Variants in SLC9A8 observed in about 807,000 individuals in gnomAD.
The protein encoded by SLC9A8 is solute carrier family 9 member A8.
A neutral mutation model predicts 66.6 loss-of-function variants in SLC9A8; 48 were observed. The ratio of observed to expected loss-of-function variants is 0.72; its 90% CI spans 0.57 to 0.92. The LOEUF (loss-of-function observed/expected upper bound fraction) is 0.92, where lower values mean the gene tolerates loss of function less well. SLC9A8 is among the 40% of genes least tolerant of loss of function. The probability of loss-of-function intolerance (pLI) is 0.00; values close to 1 mark genes in which losing one functional copy is unlikely to be tolerated. For missense variants in SLC9A8, 599 were observed against 747.3 expected (o/e 0.80, Z 2.31); for synonymous variants, 274 against 282.6 (o/e 0.97, Z 0.31).
chr20:49,865,577 C>T (rs1375901082), intron 10 of SLC9A8, among the ~76,000 whole-genome samples: 1 of 152,100 alleles, frequency 6.6e-6, no homozygotes, highest in Non-Finnish European at 1.5e-5. Context: ...GCAGCAGAGA[C>T]GACTCTGATG....
chr20:49,822,872 A>G (rs1276561791), intron 2 of SLC9A8, among the ~76,000 whole-genome samples, 189 bp from the exon 3 acceptor site: 1 of 152,236 alleles, frequency 6.6e-6, no homozygotes, highest in African/African-American at 2.4e-5. Context: ...AGAAAATATA[A>G]TAAACATTGT....
intron 10 of SLC9A8, among the ~76,000 whole-genome samples, chr20:49,870,329 G>A (rs1207065684): frequency 6.6e-6 from 1 of 152,230 alleles, no homozygotes; most frequent in African/African-American, 2.4e-5. Context: ...ACAGAGAGTG[G>A]CATGTGGTAG....
At chr20:49,862,656 C>A (rs375251144) in intron 8 of SLC9A8, among the ~76,000 whole-genome samples, 1 of 152,164 alleles carries the variant, frequency 6.6e-6, no homozygotes, top group Non-Finnish European at 1.5e-5. Context: ...ACCCCTCCCG[C>A]GGATTGTCAT....
At chr20:49,879,115 G>A (rs924746889) in intron 12 of SLC9A8, among the ~76,000 whole-genome samples, 17 of 152,316 alleles carry the variant, frequency 1.1e-4, no homozygotes, top group African/African-American at 3.4e-4. Flanking sequence ...ATGGAAGATT[G>A]GATTTCAGTG....
intron 13 of SLC9A8, among the ~76,000 whole-genome samples, chr20:49,883,172 T>C (rs1037744441): frequency 3.3e-5 from 5 of 152,118 alleles, no homozygotes; most frequent in Non-Finnish European, 7.4e-5. Flanking sequence ...AACAGAGGAA[T>C]GTGCTGTTTT....
chr20:49,830,946 T>C, intron 3 of SLC9A8: 1 of 817,180 alleles, frequency 1.2e-6, no homozygotes, highest in Non-Finnish European at 2.2e-6. Context: ...CAGAAGGATC[T>C]CTGCTTAGCC....
intron 8 of SLC9A8, among the ~76,000 whole-genome samples, chr20:49,857,654 G>A (rs1298232913): frequency 6.6e-6 from 1 of 152,206 alleles, no homozygotes; most frequent in Non-Finnish European, 1.5e-5. Flanking sequence ...GGAGACAGAG[G>A]TTGAAGTGAG....
chr20:49,880,535 A>T (rs1396241781), intron 12 of SLC9A8, among the ~76,000 whole-genome samples: 1 of 152,200 alleles, frequency 6.6e-6, no homozygotes, highest in Non-Finnish European at 1.5e-5. Flanking sequence ...TGATCAATGC[A>T]GCCCTGTCCC....
At chr20:49,835,540 G>A (rs2087496017) in intron 3 of SLC9A8, among the ~76,000 whole-genome samples, 1 of 151,822 alleles carries the variant, frequency 6.6e-6, no homozygotes, top group South Asian at 2.1e-4. Context: ...CCCATCCCCT[G>A]GAAACCACCA....
intron 8 of SLC9A8, among the ~76,000 whole-genome samples, chr20:49,859,385 A>G (rs1800163685): frequency 6.6e-6 from 1 of 152,188 alleles, no homozygotes; most frequent in Non-Finnish European, 1.5e-5. Flanking sequence ...AAGGCTTCTC[A>G]GAAGGAACGT....
chr20:49,837,033 C>T (rs915185474), intron 3 of SLC9A8, among the ~76,000 whole-genome samples: 3 of 152,152 alleles, frequency 2.0e-5, no homozygotes, highest in Admixed American at 2.0e-4. Flanking sequence ...CAAGAAAATT[C>T]CTTGTGGACA....
intron 3 of SLC9A8, chr20:49,830,404 C>CT: frequency 2.4e-6 from 2 of 833,610 alleles, no homozygotes; most frequent in Non-Finnish European, 4.2e-6. Flanking sequence ...TGTGACATCA[C>CT]TTTCGCCCGT....
At chr20:49,848,889 T>C (rs1056588269) in intron 5 of SLC9A8, among the ~76,000 whole-genome samples, 2 of 152,164 alleles carry the variant, frequency 1.3e-5, no homozygotes, top group Non-Finnish European at 2.9e-5. Context: ...GGGCATTATG[T>C]CAGGGACCGT....
At chr20:49,839,111 T>C (rs781516979) in intron 3 of SLC9A8, among the ~76,000 whole-genome samples, 24 of 152,338 alleles carry the variant, frequency 1.6e-4, no homozygotes, top group Admixed American at 1.2e-3. Context: ...TAGCTAAATA[T>C]TCAACATGGA....
At chr20:49,884,248 CACACACACACGACACACACACACACG>C (rs2089765654) in intron 14 of SLC9A8, 182 bp downstream of exon 14, 15 of 348,812 alleles carry the variant, frequency 4.3e-5, no homozygotes, top group African/African-American at 1.9e-4. Flanking sequence ...ACACGACACA[CACACACACACGACACACACACACACG>C]ACACACACAC....
chr20:49,819,375 A>G (rs1217434213), intron 2 of SLC9A8, among the ~76,000 whole-genome samples: 1 of 152,178 alleles, frequency 6.6e-6, no homozygotes, highest in Non-Finnish European at 1.5e-5. Flanking sequence ...TTTTGCATAT[A>G]CAGATGTATA....
chr20:49,816,765 G>A (rs2086563997), intron 2 of SLC9A8, among the ~76,000 whole-genome samples: 1 of 151,734 alleles, frequency 6.6e-6, no homozygotes, highest in African/African-American at 2.4e-5. Flanking sequence ...GTCTTGCTCT[G>A]TCGCCCAGGC....
chr20:49,828,799 A>G (rs1453631163), intron 3 of SLC9A8, among the ~76,000 whole-genome samples: 4 of 151,806 alleles, frequency 2.6e-5, no homozygotes, highest in Admixed American at 6.6e-5. Context: ...AGATTGTGCC[A>G]CTGCACTCCA....
At position 49,817,469 on chromosome 20, in the gene SLC9A8, T is replaced by A. The variant is rs115804038; in HGVS notation, c.208+2280T>A. On this transcript the variant is annotated intron_variant, in intron 2 of 15. Transcript: ENST00000361573. ...AGGTGCAACTGTTTTTTTTTTTTTT[T>A]TTATTTCTCTGATGTGTATTAGGAC... 7.5e-3 allele frequency among the ~76,000 whole-genome samples: 1,136 copies of A among 152,058 alleles called. 21 individuals carry two copies. Among genetic ancestry groups the A allele is most frequent in the African/African-American group, 0.025 (1,052 of 41,468 alleles).
Sources: gnomAD v4.1 joint callset for allele counts (sites outside exome capture counted in the v4.1 genomes callset) on GRCh38, gnomAD v4.1.1 for gene constraint, MANE v1.5 for transcripts, NCBI Gene and HGNC (gene_info 2026-07-23, HGNC 2026-07-21) for gene names.